ZBTB16: variants seen among roughly 807,000 people sequenced by gnomAD.
ZBTB16 encodes zinc finger and BTB domain containing 16.
ZBTB16 carries 8 observed loss-of-function variants against 56.8 expected under a neutral mutation model. The observed-to-expected ratio is 0.14, with a 90% CI of 0.08 to 0.25. The LOEUF (loss-of-function observed/expected upper bound fraction) is 0.25, where lower values mean the gene tolerates loss of function less well. ZBTB16 is among the 10% of genes least tolerant of loss of function. ZBTB16 has a pLI of 1.00. For missense variants in ZBTB16, 625 were observed against 903.0 expected (o/e 0.69, Z 3.95); for synonymous variants, 363 against 368.5 (o/e 0.98, Z 0.17).
At chr11:114,237,607 T>C (rs761627696) in intron 4 of ZBTB16, among the ~76,000 whole-genome samples, 7 of 152,222 alleles carry the variant, frequency 4.6e-5, no homozygotes, top group Non-Finnish European at 7.3e-5. Context: ...ATAATTTTAT[T>C]TCCATAGTCC....
rs919065702 is a variant in ZBTB16, at chr11:114,251,938, G to A, written c.*1383G>A. Among the ~76,000 whole-genome samples the A allele has an allele frequency of 1.3e-5, 2 of 152,196 alleles. No homozygotes were observed. Among genetic ancestry groups the A allele is most frequent in the African/African-American group, 4.8e-5 (2 of 41,446 alleles). ...ATCTCTTTTTCGGTTGGGGCTTGGA[G>A]GAATGGGGAGGGTGTTCTTTTCTGT... On this transcript the variant is annotated 3_prime_UTR_variant, in exon 7 of 7. Transcript: ENST00000335953.
chr11:114,162,873 C>G (rs937318432), intron 3 of ZBTB16, among the ~76,000 whole-genome samples: 1 of 152,154 alleles, frequency 6.6e-6, no homozygotes, highest in African/African-American at 2.4e-5. Flanking sequence ...GAACACACTT[C>G]TCTTTCTCTC....
chr11:114,136,068 A>C (rs1333556241), intron 2 of ZBTB16, among the ~76,000 whole-genome samples: 1 of 152,138 alleles, frequency 6.6e-6, no homozygotes, highest in East Asian at 1.9e-4. Context: ...GGAGGGTTGC[A>C]TGGAATGCCA....
chr11:114,083,360 C>T (rs1167973686), intron 2 of ZBTB16, among the ~76,000 whole-genome samples: 1 of 152,166 alleles, frequency 6.6e-6, no homozygotes, highest in East Asian at 1.9e-4. Context: ...TCCTTCCCTG[C>T]CCGAAACCCA....
At chr11:114,183,041 T>C (rs903098804) in intron 3 of ZBTB16, among the ~76,000 whole-genome samples, 3 of 152,198 alleles carry the variant, frequency 2.0e-5, no homozygotes, top group Non-Finnish European at 4.4e-5. Flanking sequence ...TTTGTCTGTC[T>C]CGCTCGGCTC....
At chr11:114,072,819 G>A (rs1939396601) in intron 2 of ZBTB16, among the ~76,000 whole-genome samples, 1 of 152,060 alleles carries the variant, frequency 6.6e-6, no homozygotes, top group Non-Finnish European at 1.5e-5. Context: ...TTGGGAGGCC[G>A]AGGCGGGCGG....
chr11:114,091,658 G>T (rs1300666131), intron 2 of ZBTB16, among the ~76,000 whole-genome samples: 1 of 124,606 alleles, frequency 8.0e-6, no homozygotes, highest in Non-Finnish European at 1.6e-5. Flanking sequence ...CCTGTTTAAA[G>T]TATATGGCTG....
chr11:114,066,245 C>T (rs185233363), intron 2 of ZBTB16, among the ~76,000 whole-genome samples: 1 of 152,334 alleles, frequency 6.6e-6, no homozygotes, highest in African/African-American at 2.4e-5. Flanking sequence ...TCTGCTCTGA[C>T]CCTGCCTCCT....
chr11:114,251,631 A>G lies in ZBTB16; in HGVS notation c.*1076A>G, dbSNP rs886122245. Among the ~76,000 whole-genome samples the G allele has an allele frequency of 6.6e-6, 1 of 152,126 alleles. No homozygotes were observed. The highest frequency in any genetic ancestry group is 1.9e-4 in the East Asian group (1 of 5,174). ...ATGAGGGAAGCTGGGCAAGGGAGAA[A>G]GTTGTTGAGTCACACTGGGGACCCC... is the stretch of plus-strand genomic sequence containing the variant. On this transcript the variant is annotated 3_prime_UTR_variant, in exon 7 of 7. Coordinates refer to ENST00000335953, the MANE Select transcript of ZBTB16 (RefSeq NM_006006.6).
At chr11:114,126,531 T>C (rs1941512704) in intron 2 of ZBTB16, among the ~76,000 whole-genome samples, 1 of 152,152 alleles carries the variant, frequency 6.6e-6, no homozygotes, top group South Asian at 2.1e-4. Context: ...AGTGAGGCCC[T>C]TCACATCCAT....
At chr11:114,091,738 T>C (rs527777693) in intron 2 of ZBTB16, among the ~76,000 whole-genome samples, 8 of 152,122 alleles carry the variant, frequency 5.3e-5, no homozygotes, top group African/African-American at 1.9e-4. Flanking sequence ...ATGCGGCGAC[T>C]GAGGGTGGGT....
intron 3 of ZBTB16, among the ~76,000 whole-genome samples, chr11:114,179,866 G>A (rs1159857114): frequency 6.6e-6 from 1 of 152,166 alleles, no homozygotes; most frequent in African/African-American, 2.4e-5. Context: ...GGTAGGGAGG[G>A]AGGTTCTTTG....
intron 3 of ZBTB16, among the ~76,000 whole-genome samples, chr11:114,182,327 G>A (rs1166744128): frequency 6.6e-6 from 1 of 152,220 alleles, no homozygotes; most frequent in Admixed American, 6.5e-5. Flanking sequence ...TGGGATTACA[G>A]GCGTGAGCCA....
chr11:114,140,702 C>T (rs1420891177), intron 2 of ZBTB16, among the ~76,000 whole-genome samples: 1 of 152,194 alleles, frequency 6.6e-6, no homozygotes, highest in African/African-American at 2.4e-5. Context: ...CGTGGAGTCA[C>T]TCAGGCACCT....
intron 3 of ZBTB16, among the ~76,000 whole-genome samples, chr11:114,169,931 G>A (rs184899540): frequency 2.6e-5 from 4 of 152,272 alleles, no homozygotes; most frequent in Admixed American, 2.0e-4. Context: ...GAACCATCCA[G>A]GCAGGCATCT....
At chr11:114,106,103 G>T (rs1329857394) in intron 2 of ZBTB16, among the ~76,000 whole-genome samples, 1 of 152,106 alleles carries the variant, frequency 6.6e-6, no homozygotes, top group Admixed American at 6.5e-5. Flanking sequence ...CCTCCAGACT[G>T]TATTAACCTT....
intron 4 of ZBTB16, among the ~76,000 whole-genome samples, chr11:114,193,279 A>G (rs1943540054): frequency 6.6e-6 from 1 of 152,148 alleles, no homozygotes; most frequent in Non-Finnish European, 1.5e-5. Context: ...AGGATGGGGA[A>G]TGGAGAAAAT....
chr11:114,083,096 A>T (rs1017671135), intron 2 of ZBTB16, among the ~76,000 whole-genome samples: 5 of 152,220 alleles, frequency 3.3e-5, no homozygotes, highest in Admixed American at 1.3e-4. Flanking sequence ...ACGCCGTTCC[A>T]GGGCCCCTCG....
At position 114,066,254 on chromosome 11, in the gene ZBTB16, C is replaced by G. The variant is rs148826778; in HGVS notation, c.1268+1686C>G. ...CCGGAATCTGCTCTGACCCTGCCTC[C>G]TCGACAGCTCAGAGGCTTAACTTGT... On this transcript the variant is annotated intron_variant, in intron 2 of 6. Transcript: ENST00000335953. 1.4e-3 allele frequency among the ~76,000 whole-genome samples: 207 copies of G among 152,308 alleles called. 2 individuals are homozygous for G. The highest frequency in any genetic ancestry group is 4.6e-3 in the African/African-American group (192 of 41,560).
Sources: allele counts gnomAD v4.1 joint callset (sites outside exome capture counted in the v4.1 genomes callset), GRCh38; gene constraint gnomAD v4.1.1; transcripts MANE v1.5; gene names NCBI Gene and HGNC (gene_info 2026-07-23, HGNC 2026-07-21).